The following GALNT13 variants were observed in gnomAD, a reference collection of about 807,000 sequenced individuals.
The protein encoded by GALNT13 is polypeptide N-acetylgalactosaminyltransferase 13, also known as UDP-GalNAc:polypeptide N-acetylgalactosaminyltransferase 13.
In GALNT13, 28 loss-of-function variants were observed where a neutral mutation model predicts 64.2. The ratio of observed to expected loss-of-function variants is 0.44; its 90% CI spans 0.32 to 0.60. The LOEUF is 0.60. Ranked by LOEUF, GALNT13 falls within the 20% of genes least tolerant of loss-of-function variation. GALNT13 has a pLI of 0.05. For synonymous variants in GALNT13, 214 were observed against 224.6 expected, an observed-to-expected ratio of 0.95 and a Z score of 0.42; for missense variants, 577 against 669.8, an observed-to-expected ratio of 0.86 and a Z score of 1.53.
chr2:154,035,278 A>C (rs1698593521), intron 3 of GALNT13, among the ~76,000 whole-genome samples: 1 of 152,148 alleles, frequency 6.6e-6, no homozygotes, highest in South Asian at 2.1e-4. Context: ...TTACATTAAA[A>C]TATTATTTGC....
chr2:153,482,779 T>C, the GALNT13 span, among the ~76,000 whole-genome samples: 5 of 152,094 alleles, frequency 3.3e-5, no homozygotes, highest in Non-Finnish European at 7.4e-5. Flanking sequence ...CTTTTTTTTT[T>C]TTTTTAAATC....
chr2:153,095,950 G>T, the GALNT13 span, among the ~76,000 whole-genome samples: 1 of 152,076 alleles, frequency 6.6e-6, no homozygotes, highest in Admixed American at 6.6e-5. Context: ...ATGAGTTAAT[G>T]GGTGCAGCAT....
intron 3 of GALNT13, among the ~76,000 whole-genome samples, chr2:153,962,453 T>C (rs191359448): frequency 6.6e-6 from 1 of 152,170 alleles, no homozygotes; most frequent in African/African-American, 2.4e-5. Context: ...GTTTGACTTA[T>C]GTGTAAAAAG....
chr2:153,197,303 G>T, the GALNT13 span, among the ~76,000 whole-genome samples: 1 of 152,222 alleles, frequency 6.6e-6, no homozygotes, highest in Non-Finnish European at 1.5e-5. Context: ...TGTCGTGCTT[G>T]GGCACTAGCA....
the GALNT13 span, among the ~76,000 whole-genome samples, chr2:153,780,045 G>T: frequency 6.6e-6 from 1 of 151,346 alleles, no homozygotes; most frequent in African/African-American, 2.4e-5. Context: ...ATAATAGCTC[G>T]GGTGAACTGC....
At chr2:154,289,218 T>G (rs1295453340) in intron 8 of GALNT13, among the ~76,000 whole-genome samples, 1 of 152,192 alleles carries the variant, frequency 6.6e-6, no homozygotes, top group African/African-American at 2.4e-5. Flanking sequence ...TAGCCATGGC[T>G]GGGATGCAGA....
the GALNT13 span, among the ~76,000 whole-genome samples, chr2:153,272,351 G>A: frequency 6.6e-6 from 1 of 151,458 alleles, no homozygotes; most frequent in Non-Finnish European, 1.5e-5. Flanking sequence ...GAAAATTTTT[G>A]CAGTCTATCC....
chr2:153,077,545 T>C, the GALNT13 span, among the ~76,000 whole-genome samples: 1 of 152,170 alleles, frequency 6.6e-6, no homozygotes, highest in Admixed American at 6.5e-5. Context: ...TGGAAAGCCT[T>C]TAATCACATA....
chr2:154,430,416 C>A (rs1006777671), intron 11 of GALNT13, among the ~76,000 whole-genome samples: 1 of 152,074 alleles, frequency 6.6e-6, no homozygotes, highest in Non-Finnish European at 1.5e-5. Context: ...AGCAGGAGAA[C>A]TAGAATTAGG....
the GALNT13 span, among the ~76,000 whole-genome samples, chr2:153,262,297 C>A: frequency 6.6e-6 from 1 of 152,058 alleles, no homozygotes; most frequent in Non-Finnish European, 1.5e-5. Context: ...ATGAATTCTT[C>A]CAGAACTCAG....
At chr2:153,657,142 A>C in the GALNT13 span, among the ~76,000 whole-genome samples, 1 of 152,132 alleles carries the variant, frequency 6.6e-6, no homozygotes, top group African/African-American at 2.4e-5. Flanking sequence ...TATTGAGATA[A>C]TGTGAAATCC....
the GALNT13 span, among the ~76,000 whole-genome samples, chr2:153,687,552 T>A: frequency 1.3e-5 from 2 of 151,968 alleles, no homozygotes; most frequent in Non-Finnish European, 2.9e-5. Flanking sequence ...ATCTCTTCCG[T>A]AGAAAGCATT....
intron 2 of GALNT13, among the ~76,000 whole-genome samples, chr2:153,918,849 G>A (rs2105332140): frequency 6.6e-6 from 1 of 152,126 alleles, no homozygotes; most frequent in African/African-American, 2.4e-5. Flanking sequence ...TAGCTACACT[G>A]TAACTATTAC....
chr2:153,435,048 G>A, the GALNT13 span, among the ~76,000 whole-genome samples: 38 of 152,254 alleles, frequency 2.5e-4, no homozygotes, highest in African/African-American at 7.9e-4. Flanking sequence ...TTCTACATAT[G>A]GCTAGCCAGT....
At chr2:154,091,456 T>C (rs989646781) in intron 3 of GALNT13, among the ~76,000 whole-genome samples, 1 of 151,836 alleles carries the variant, frequency 6.6e-6, no homozygotes, top group African/African-American at 2.4e-5. Context: ...CTAAAGAAAA[T>C]AACCTTACCA....
At chr2:154,378,677 G>C (rs1372717630) in intron 9 of GALNT13, among the ~76,000 whole-genome samples, 1 of 151,776 alleles carries the variant, frequency 6.6e-6, no homozygotes, top group Non-Finnish European at 1.5e-5. Flanking sequence ...CGATTCTCTG[G>C]TATCGACTCT....
intron 2 of GALNT13, among the ~76,000 whole-genome samples, chr2:153,913,044 G>GTGTTTA (rs1689065350): frequency 6.6e-6 from 1 of 152,136 alleles, no homozygotes; most frequent in South Asian, 2.1e-4. Context: ...AACTGTGCAT[G>GTGTTTA]TGTTTATGCC....
intron 8 of GALNT13, among the ~76,000 whole-genome samples, chr2:154,296,214 G>T (rs1559073764): frequency 6.6e-6 from 1 of 152,140 alleles, no homozygotes; most frequent in Non-Finnish European, 1.5e-5. Flanking sequence ...TGCATCACTG[G>T]ACCTATCAAT....
the GALNT13 span, among the ~76,000 whole-genome samples, chr2:153,217,124 A>G: frequency 6.6e-6 from 1 of 151,882 alleles, no homozygotes; most frequent in Non-Finnish European, 1.5e-5. Flanking sequence ...TTTTATATAC[A>G]TGTGTATATT....
Sources: allele counts gnomAD v4.1 joint callset (sites outside exome capture counted in the v4.1 genomes callset), GRCh38; gene constraint gnomAD v4.1.1; transcripts MANE v1.5; gene names NCBI Gene and HGNC (gene_info 2026-07-23, HGNC 2026-07-21).